FMN2: variants seen among roughly 807,000 people sequenced by gnomAD.
FMN2 encodes the protein formin-2.
FMN2 carries 51 observed loss-of-function variants against 142.3 expected under a neutral mutation model. That is an observed-to-expected ratio of 0.36 (90% CI 0.29 to 0.45). FMN2 has a LOEUF of 0.45. Among genes scored for constraint, FMN2 ranks in the 20% least tolerant of loss-of-function variants. The probability of loss-of-function intolerance (pLI) is 1.00; values close to 1 mark genes in which losing one functional copy is unlikely to be tolerated. For synonymous variants in FMN2, 882 were observed against 869.8 expected (o/e 1.01, Z -0.25); for missense variants, 1,936 against 2,122.8 (o/e 0.91, Z 1.73).
chr1:240,419,512 T>G (rs1003360074), intron 15 of FMN2, among the ~76,000 whole-genome samples: 60 of 152,306 alleles, frequency 3.9e-4, no homozygotes, highest in African/African-American at 1.3e-3. Flanking sequence ...AGCTGTACTT[T>G]TGCCAGGATT....
At chr1:240,415,179 A>G (rs1187330487) in intron 15 of FMN2, among the ~76,000 whole-genome samples, 1 of 152,194 alleles carries the variant, frequency 6.6e-6, no homozygotes, top group East Asian at 1.9e-4. Flanking sequence ...AATGTGGCAC[A>G]TTTACACCAC....
chr1:240,329,052 A>G, intron 8 of FMN2, 24 bp from the exon 9 acceptor site: 7 of 1,607,826 alleles, frequency 4.4e-6, no homozygotes, highest in Non-Finnish European at 6.0e-6. Flanking sequence ...ACTTTGAAAA[A>G]CTATTTGGTT....
rs548112711 is a variant in FMN2 at position 240,410,352 on chromosome 1, T to C, written c.4910+17790T>C. On this transcript the variant is annotated intron_variant, in intron 15 of 17. Transcript: ENST00000319653. Reference sequence around the variant, plus strand: ...ATTCCTCTCTGAGTGGATCTAACGATCTGAAAAATTGAAAATCAGTGACAG... The same window carrying C: ...ATTCCTCTCTGAGTGGATCTAACGACCTGAAAAATTGAAAATCAGTGACAG... 3.3e-5 allele frequency among the ~76,000 whole-genome samples: 5 copies of C among 152,322 alleles called. No homozygotes were observed. The South Asian group carries it at 8.3e-4, about 25-fold the overall frequency.
At chr1:240,191,250 TGTA>T (rs747430120) in intron 4 of FMN2, among the ~76,000 whole-genome samples, 47 of 152,362 alleles carry the variant, frequency 3.1e-4, no homozygotes, top group Non-Finnish European at 5.4e-4. Context: ...TTACTCTTTC[TGTA>T]GTTAATAATT....
intron 7 of FMN2, among the ~76,000 whole-genome samples, chr1:240,262,769 T>TG (rs1668673028): frequency 6.7e-6 from 1 of 149,256 alleles, no homozygotes; most frequent in Admixed American, 6.7e-5. Flanking sequence ...CTTTTTTTTT[T>TG]TTTTTTTTTT....
chr1:240,114,452 G>C (rs536075627), intron 1 of FMN2, among the ~76,000 whole-genome samples: 1 of 152,202 alleles, frequency 6.6e-6, no homozygotes, highest in South Asian at 2.1e-4. Context: ...ATCACCCCCA[G>C]CAGGGGCCCA....
intron 6 of FMN2, among the ~76,000 whole-genome samples, chr1:240,211,579 A>T (rs182635633): frequency 5.9e-5 from 9 of 152,354 alleles, no homozygotes; most frequent in African/African-American, 2.2e-4. Flanking sequence ...GAAAGAAAGG[A>T]AAGAGTGGGC....
At chr1:240,197,141 A>T (rs528113209) in intron 4 of FMN2, among the ~76,000 whole-genome samples, 6 of 152,216 alleles carry the variant, frequency 3.9e-5, no homozygotes, top group Non-Finnish European at 5.9e-5. Context: ...GGAGGGGCTG[A>T]AGGTTAAGTT....
intron 6 of FMN2, among the ~76,000 whole-genome samples, chr1:240,252,797 T>A (rs1203728962): frequency 6.6e-6 from 1 of 151,990 alleles, no homozygotes; most frequent in Non-Finnish European, 1.5e-5. Flanking sequence ...TGTATCTGTA[T>A]GTCTAAATCT....
At position 240,377,754 on chromosome 1, in the gene FMN2, G is replaced by A. The variant is rs540220923; in HGVS notation, c.4859-14757G>A. Among the ~76,000 whole-genome samples the A allele has an allele frequency of 7.9e-5, 12 of 152,178 alleles. No homozygotes were observed. In the East Asian group the frequency reaches 2.1e-3, roughly 27 times the overall value. Reference sequence around the variant, plus strand: ...ATACAAGATGAGCTTCTCATCTTAAGGTCAGCTGATTAGCAACCTTAATTC... The same window carrying A: ...ATACAAGATGAGCTTCTCATCTTAAAGTCAGCTGATTAGCAACCTTAATTC... On this transcript the variant is annotated intron_variant, in intron 14 of 17. Transcript: ENST00000319653.
At chr1:240,103,375 G>T (rs1661479934) in intron 1 of FMN2, among the ~76,000 whole-genome samples, 1 of 152,176 alleles carries the variant, frequency 6.6e-6, no homozygotes, top group Non-Finnish European at 1.5e-5. Flanking sequence ...TGCTAGAGTT[G>T]TGTCTGCAGT....
At chr1:240,417,445 T>G (rs186021963) in intron 15 of FMN2, among the ~76,000 whole-genome samples, 7 of 152,106 alleles carry the variant, frequency 4.6e-5, no homozygotes, top group Non-Finnish European at 7.4e-5. Context: ...TTGTTTTGTT[T>G]TGTTTTTATA....
At chr1:240,182,211 T>C (rs1665183105) in intron 3 of FMN2, among the ~76,000 whole-genome samples, 1 of 152,188 alleles carries the variant, frequency 6.6e-6, no homozygotes, top group African/African-American at 2.4e-5. Context: ...CATCAAATAA[T>C]TAACTTGAGT....
chr1:240,192,151 G>A (rs1665724046), intron 4 of FMN2, among the ~76,000 whole-genome samples: 1 of 152,144 alleles, frequency 6.6e-6, no homozygotes, highest in Admixed American at 6.5e-5. Flanking sequence ...TTTTTTACTG[G>A]ATCTCCTTAA....
Position 240,392,503 on chromosome 1 carries a change from A to G in FMN2, c.4859-8A>G, listed in dbSNP as rs1466254895. 1 of 1,610,044 alleles carries G rather than the reference A, an allele frequency of 6.2e-7. No homozygotes were observed. Among genetic ancestry groups the G allele is most frequent in the Non-Finnish European group, 8.5e-7 (1 of 1,177,934 alleles). On this transcript the variant is annotated splice_polypyrimidine_tract_variant and splice_region_variant and intron_variant, in intron 14 of 17. Transcript: ENST00000319653. ...ATCTCATGTACTTTTATTTTCTTGC[A>G]CTTTCAGCCAAAATTGACCAAGAGG...
At chr1:240,393,957 C>A (rs9661851) in intron 15 of FMN2, among the ~76,000 whole-genome samples, 169 of 152,228 alleles carry the variant, frequency 1.1e-3, no homozygotes, top group African/African-American at 3.9e-3. Flanking sequence ...GGTGCTGCAG[C>A]CGAGGCGATG....
intron 6 of FMN2, among the ~76,000 whole-genome samples, chr1:240,238,877 G>A (rs1287047885): frequency 6.6e-6 from 1 of 152,150 alleles, no homozygotes; most frequent in Admixed American, 6.5e-5. Context: ...ACAGGCAAAA[G>A]CCATTATAAA....
intron 4 of FMN2, among the ~76,000 whole-genome samples, chr1:240,192,588 TAGAG>T (rs919779626): frequency 4.7e-4 from 71 of 152,150 alleles, no homozygotes; most frequent in Middle Eastern, 3.4e-3. Flanking sequence ...TTAAAGGAGA[TAGAG>T]AGAGAGATAC....
chr1:240,100,444 G>T (rs1449600475), intron 1 of FMN2, among the ~76,000 whole-genome samples: 1 of 152,170 alleles, frequency 6.6e-6, no homozygotes, highest in Admixed American at 6.5e-5. Context: ...TCATTTTAGT[G>T]ACAGTAGAAA....
Sources: allele counts gnomAD v4.1 joint callset (sites outside exome capture counted in the v4.1 genomes callset), GRCh38; gene constraint gnomAD v4.1.1; transcripts MANE v1.5; gene names NCBI Gene and HGNC (gene_info 2026-07-23, HGNC 2026-07-21).